Variants in MAPRE2 observed in about 807,000 individuals in gnomAD.
MAPRE2 encodes microtubule-associated protein RP/EB family member 2.
MAPRE2 carries 13 observed loss-of-function variants against 43.2 expected under a neutral mutation model. The ratio of observed to expected loss-of-function variants is 0.30; its 90% CI spans 0.20 to 0.48. The LOEUF (loss-of-function observed/expected upper bound fraction) is 0.48. Among genes scored for constraint, MAPRE2 ranks in the 20% least tolerant of loss-of-function variants. The pLI is 0.99. For missense variants in MAPRE2, 161 were observed against 400.2 expected, an observed-to-expected ratio of 0.40 and a Z score of 5.10; for synonymous variants, 135 against 148.8, an observed-to-expected ratio of 0.91 and a Z score of 0.68.
At chr18:34,978,037 T>A (rs1244070450) in intron 1 of MAPRE2, among the ~76,000 whole-genome samples, 1 of 152,168 alleles carries the variant, frequency 6.6e-6, no homozygotes, top group Non-Finnish European at 1.5e-5. Flanking sequence ...CTGCAGCCAT[T>A]TGATCAGGAG....
intron 2 of MAPRE2, among the ~76,000 whole-genome samples, chr18:35,077,950 T>C (rs1368900481): frequency 2.0e-5 from 3 of 152,358 alleles, no homozygotes; most frequent in African/African-American, 4.8e-5. Flanking sequence ...AATCACTTTA[T>C]ATGATGGATA....
Position 35,119,151 on chromosome 18 carries a change from A to G in MAPRE2, c.611-7797A>G, listed in dbSNP as rs1603403002. 2.6e-5 allele frequency among the ~76,000 whole-genome samples: 4 copies of G among 152,176 alleles called. No homozygotes were observed. The South Asian group carries it at 8.3e-4, about 32-fold the overall frequency. On this transcript the variant is annotated intron_variant, in intron 4 of 6. Coordinates refer to ENST00000300249, the MANE Select transcript of MAPRE2 (RefSeq NM_014268.4). ...GCCAGACTGCTGCAGGACTCCCAGC[A>G]AGAGGGGCACCTGGCGCTGCCCTGC...
intron 2 of MAPRE2, among the ~76,000 whole-genome samples, chr18:35,075,660 T>C (rs910105035): frequency 6.6e-6 from 1 of 152,320 alleles, no homozygotes; most frequent in African/African-American, 2.4e-5. Context: ...TTTTGGTTTT[T>C]TTGCTGACAG....
chr18:35,131,853 C>T (rs1330181202), intron 5 of MAPRE2, 179 bp from the exon 6 acceptor site: 9 of 603,122 alleles, frequency 1.5e-5, no homozygotes, highest in South Asian at 6.2e-5. Context: ...GAGAATTGGA[C>T]GTTTTGGCCC....
At chr18:35,017,792 T>G (rs2097039389) in intron 2 of MAPRE2, among the ~76,000 whole-genome samples, 1 of 151,622 alleles carries the variant, frequency 6.6e-6, no homozygotes, top group Non-Finnish European at 1.5e-5. Context: ...TTTGACTTCT[T>G]TTCCTATTTG....
intron 4 of MAPRE2, among the ~76,000 whole-genome samples, chr18:35,118,490 A>G (rs1215870130): frequency 6.6e-6 from 1 of 152,186 alleles, no homozygotes; most frequent in Non-Finnish European, 1.5e-5. Flanking sequence ...GGTACAGAAT[A>G]GGGTTTCCTA....
chr18:34,998,294 C>A (rs1247770089), intron 1 of MAPRE2, among the ~76,000 whole-genome samples: 1 of 151,514 alleles, frequency 6.6e-6, no homozygotes, highest in Non-Finnish European at 1.5e-5. Context: ...CTCTACAAGT[C>A]CCATTCACTT....
chr18:35,030,057 A>G (rs909548359), intron 2 of MAPRE2, among the ~76,000 whole-genome samples: 1 of 152,248 alleles, frequency 6.6e-6, no homozygotes, highest in Non-Finnish European at 1.5e-5. Flanking sequence ...CTATATAAGG[A>G]CAAGAAAATT....
chr18:35,027,968 T>C (rs2097046132), intron 2 of MAPRE2, among the ~76,000 whole-genome samples: 1 of 152,094 alleles, frequency 6.6e-6, no homozygotes. Flanking sequence ...GGTTGGTACT[T>C]CCCCCAGAGT....
intron 4 of MAPRE2, among the ~76,000 whole-genome samples, chr18:35,106,383 G>T (rs989683681): frequency 2.6e-5 from 4 of 152,028 alleles, no homozygotes; most frequent in African/African-American, 9.7e-5. Flanking sequence ...TACAGTAAGA[G>T]CAGTAAGTGG....
intron 2 of MAPRE2, among the ~76,000 whole-genome samples, chr18:35,026,702 C>T (rs2097045426): frequency 6.6e-6 from 1 of 152,174 alleles, no homozygotes; most frequent in South Asian, 2.1e-4. Flanking sequence ...ATCTGTACCC[C>T]GCTGTTCCTG....
At chr18:34,980,804 A>G (rs74880523) in intron 1 of MAPRE2, among the ~76,000 whole-genome samples, 1 of 152,184 alleles carries the variant, frequency 6.6e-6, no homozygotes, top group Non-Finnish European at 1.5e-5. Flanking sequence ...ATGAAAAACC[A>G]CATATGAATT....
chr18:34,981,143 C>T (rs557262808), intron 1 of MAPRE2, among the ~76,000 whole-genome samples: 46 of 151,536 alleles, frequency 3.0e-4, no homozygotes, highest in South Asian at 1.3e-3. Context: ...GAGGCCGAGG[C>T]GGGTGAATCA....
chr18:35,114,685 A>G (rs1299722186), intron 4 of MAPRE2, among the ~76,000 whole-genome samples: 1 of 152,220 alleles, frequency 6.6e-6, no homozygotes, highest in Non-Finnish European at 1.5e-5. Context: ...GTTCCTTCAC[A>G]CAGAGCTCTG....
intron 4 of MAPRE2, among the ~76,000 whole-genome samples, chr18:35,108,854 G>A (rs929908865): frequency 3.3e-5 from 5 of 151,386 alleles, no homozygotes; most frequent in Admixed American, 6.6e-5. Context: ...TTTAAGTTCC[G>A]TGTAAATTCT....
At chr18:35,111,584 TA>T (rs1311842417) in intron 4 of MAPRE2, among the ~76,000 whole-genome samples, 1 of 152,214 alleles carries the variant, frequency 6.6e-6, no homozygotes, top group East Asian at 1.9e-4. Context: ...AACAGGCACT[TA>T]ACTCAATTAG....
At chr18:35,052,919 T>C (rs1906019592) in intron 1 of MAPRE2, among the ~76,000 whole-genome samples, 1 of 152,176 alleles carries the variant, frequency 6.6e-6, no homozygotes, top group Non-Finnish European at 1.5e-5. Context: ...AATAGAATTA[T>C]ACACATATGT....
rs9951874 is a variant in MAPRE2 at position 35,021,340 on chromosome 18, A to T, written c.-8+15787A>T. Among the ~76,000 whole-genome samples the T allele has an allele frequency of 7.0e-3, 1,065 of 152,300 alleles. 12 individuals are homozygous for T. The highest frequency in any genetic ancestry group is 0.024 in the African/African-American group (999 of 41,570). On this transcript the variant is annotated intron_variant, in intron 2 of 7. Coordinates refer to the MAPRE2 transcript ENST00000413393. ...CTCTTCAACTGAAATAACAAAATTTAAAAAGGAGAGCAAATCCATGACACT... is the reference window on the plus strand; with the variant it reads ...CTCTTCAACTGAAATAACAAAATTTTAAAAGGAGAGCAAATCCATGACACT...
intron 1 of MAPRE2, among the ~76,000 whole-genome samples, chr18:35,046,507 G>A (rs961309860): frequency 6.6e-6 from 1 of 152,220 alleles, no homozygotes; most frequent in Admixed American, 6.5e-5. Context: ...GGCCTGGCCA[G>A]GTGTGTTGGG....
Sources: gnomAD v4.1 joint callset for allele counts (sites outside exome capture counted in the v4.1 genomes callset) on GRCh38, gnomAD v4.1.1 for gene constraint, MANE v1.5 for transcripts, NCBI Gene and HGNC (gene_info 2026-07-23, HGNC 2026-07-21) for gene names.